The following COL11A1 variants were observed in gnomAD, a reference collection of about 807,000 sequenced individuals.
The protein encoded by COL11A1 is collagen alpha-1(XI) chain.
Under a neutral mutation model 265.2 loss-of-function variants are expected in COL11A1, and 74 were observed. That is an observed-to-expected ratio of 0.28 (90% confidence interval 0.23 to 0.34). COL11A1 has a LOEUF of 0.34. Ranked by LOEUF, COL11A1 falls within the 10% of genes least tolerant of loss-of-function variation. The pLI, the probability that COL11A1 is intolerant of heterozygous loss-of-function variation, is 1.00. For synonymous variants in COL11A1, 816 were observed against 727.6 expected (o/e 1.12, Z -1.96); for missense variants, 2,165 against 2,263.6 (o/e 0.96, Z 0.88).
chr1:102,922,307 AT>A (rs1297464701), intron 47 of COL11A1, among the ~76,000 whole-genome samples: 1 of 152,228 alleles, frequency 6.6e-6, no homozygotes, highest in African/African-American at 2.4e-5. Context: ...GAATATATCA[AT>A]GATTCATGGA....
intron 2 of COL11A1, among the ~76,000 whole-genome samples, chr1:103,081,739 C>T (rs114390033): frequency 0.015 from 2,222 of 151,880 alleles, 45 homozygotes; most frequent in African/African-American, 0.051. Context: ...ACTCAAATTT[C>T]CTCAAGCAGA....
At chr1:103,032,283 G>T (rs573896207) in intron 4 of COL11A1, among the ~76,000 whole-genome samples, 1 of 151,884 alleles carries the variant, frequency 6.6e-6, no homozygotes, top group Non-Finnish European at 1.5e-5. Context: ...GGATTATTTA[G>T]AACTTGATAA....
chr1:103,026,340 G>T lies in COL11A1; in HGVS notation c.781-8C>A. 3 of 1,578,690 alleles carry T rather than the reference G, an allele frequency of 1.9e-6. No homozygotes were observed. The highest frequency in any genetic ancestry group is 1.3e-5 in the African/African-American group (1 of 74,340). ...TATATCCTCTGGTGCATACTACATT[G>T]CAAAGGAAAAAATATCAGGCAATTG... On this transcript the variant is annotated splice_polypyrimidine_tract_variant and splice_region_variant and intron_variant, in intron 5 of 66. Transcript: ENST00000370096.
chr1:102,984,313 AT>A, intron 30 of COL11A1, 122 bp from the exon 31 acceptor site: 1 of 631,412 alleles, frequency 1.6e-6, no homozygotes. Flanking sequence ...AGATTTGCAG[AT>A]TTTTGTCATT....
intron 9 of COL11A1, among the ~76,000 whole-genome samples, chr1:103,019,185 T>C (rs1186687374): frequency 1.3e-5 from 2 of 152,168 alleles, no homozygotes; most frequent in Non-Finnish European, 1.5e-5. Flanking sequence ...TTTTTTGTTT[T>C]TCGTTTGTTT....
rs553360405 is a variant in COL11A1, at chr1:102,973,323, A to G, written c.2808+1507T>C. On this transcript the variant is annotated intron_variant, in intron 36 of 66. Coordinates refer to ENST00000370096, the MANE Select transcript of COL11A1 (RefSeq NM_001854.4). The stretch of plus-strand genomic sequence containing the variant: ...CTGATACCTCTTACAGACAAAATGC[A>G]TGCACGATCAATGGCTCAAAACATG... Among the ~76,000 whole-genome samples the G allele has an allele frequency of 3.3e-5, 5 of 152,290 alleles. No individual in the cohort carries two copies. In the South Asian group the frequency reaches 1.0e-3, roughly 32 times the overall value.
intron 1 of COL11A1, among the ~76,000 whole-genome samples, chr1:103,106,998 G>A (rs1455927474): frequency 6.6e-6 from 1 of 152,132 alleles, no homozygotes; most frequent in Non-Finnish European, 1.5e-5. Context: ...TCCTCACAAA[G>A]CTTGCTTTCT....
At chr1:103,026,435 A>G in intron 5 of COL11A1, 103 bp from the exon 6 acceptor site, 1 of 791,226 alleles carries the variant, frequency 1.3e-6, no homozygotes, top group Non-Finnish European at 2.3e-6. Flanking sequence ...ATGTTAAGAG[A>G]TAAGAAATTA....
chr1:103,081,342 C>G (rs1453911307), intron 2 of COL11A1, among the ~76,000 whole-genome samples: 2 of 151,736 alleles, frequency 1.3e-5, no homozygotes, highest in Admixed American at 1.3e-4. Context: ...TCAAAATTCC[C>G]ATCCCTTTTT....
At chr1:103,005,551 A>C (rs1348762930) in intron 18 of COL11A1, among the ~76,000 whole-genome samples, 1 of 152,134 alleles carries the variant, frequency 6.6e-6, no homozygotes, top group Non-Finnish European at 1.5e-5. Context: ...AAATGTCCAC[A>C]TTGCTCTTCT....
chr1:102,901,922 C>A (rs924808452), intron 54 of COL11A1, among the ~76,000 whole-genome samples: 4 of 152,042 alleles, frequency 2.6e-5, no homozygotes, highest in African/African-American at 9.7e-5. Flanking sequence ...CTAAGAAATT[C>A]ACAGAATTTA....
At chr1:102,965,454 A>G (rs764428778) in intron 38 of COL11A1, 33 bp downstream of exon 38, 2 of 1,594,118 alleles carry the variant, frequency 1.3e-6, no homozygotes, top group Admixed American at 3.3e-5. Context: ...CAAAAAATAA[A>G]TCTTGCTTGG....
At chr1:102,952,612 T>C (rs1194672006) in intron 41 of COL11A1, among the ~76,000 whole-genome samples, 1 of 152,248 alleles carries the variant, frequency 6.6e-6, no homozygotes, top group Non-Finnish European at 1.5e-5. Context: ...GAGAAGACTT[T>C]TGGAATGTAT....
chr1:103,037,932 T>C (rs574068504), intron 4 of COL11A1, among the ~76,000 whole-genome samples: 52 of 152,312 alleles, frequency 3.4e-4, no homozygotes, highest in Non-Finnish European at 5.9e-4. Context: ...TATAATTTTG[T>C]TCCATAAAAT....
At chr1:102,928,697 G>C (rs12125205) in intron 46 of COL11A1, among the ~76,000 whole-genome samples, 1 of 146,590 alleles carries the variant, frequency 6.8e-6, no homozygotes, top group Admixed American at 6.9e-5. Flanking sequence ...TTGAACTAGT[G>C]TACAGTCCCA....
At chr1:103,016,715 T>C (rs1571045762) in intron 11 of COL11A1, among the ~76,000 whole-genome samples, 3 of 152,104 alleles carry the variant, frequency 2.0e-5, no homozygotes, top group East Asian at 3.9e-4. Flanking sequence ...TGATTCTAGA[T>C]TGGCAAAATT....
chr1:102,942,247 T>A (rs1353782452), intron 42 of COL11A1, among the ~76,000 whole-genome samples: 1 of 152,174 alleles, frequency 6.6e-6, no homozygotes. Context: ...AGCCTTAAAC[T>A]CTAAAAGTCA....
At chr1:103,043,071 C>A (rs1011379816) in intron 4 of COL11A1, among the ~76,000 whole-genome samples, 5 of 115,736 alleles carry the variant, frequency 4.3e-5, no homozygotes, top group Admixed American at 8.5e-5. Context: ...ATAATGAATA[C>A]ATGAAATACA....
chr1:102,934,728 T>G (rs763429084), intron 45 of COL11A1, among the ~76,000 whole-genome samples, 172 bp from the exon 46 acceptor site: 2 of 152,248 alleles, frequency 1.3e-5, no homozygotes, highest in African/African-American at 2.4e-5. Flanking sequence ...TTTGTTTTGC[T>G]TATTTTCTTT....
Sources: gnomAD v4.1 joint callset for allele counts (sites outside exome capture counted in the v4.1 genomes callset) on GRCh38, gnomAD v4.1.1 for gene constraint, MANE v1.5 for transcripts, NCBI Gene and HGNC (gene_info 2026-07-23, HGNC 2026-07-21) for gene names.